Variants in TMEM230 observed in about 807,000 individuals in gnomAD.
TMEM230 encodes UPF0414 transmembrane protein C20orf30.
TMEM230 carries 10 observed loss-of-function variants against 15.8 expected under a neutral mutation model. The observed-to-expected ratio is 0.63, with a 90% CI of 0.39 to 1.07. The LOEUF (loss-of-function observed/expected upper bound fraction) is 1.07, where lower values mean the gene tolerates loss of function less well. Among genes scored for constraint, TMEM230 ranks in the 50% least tolerant of loss-of-function variants. The pLI is 0.01. For missense variants in TMEM230, 165 were observed against 193.3 expected (o/e 0.85, Z 0.87); for synonymous variants, 67 against 76.9 (o/e 0.87, Z 0.68).
At chr20:5,082,428 TAA>T (rs1227108388) in intron 3 of TMEM230, among the ~76,000 whole-genome samples, 2 of 151,742 alleles carry the variant, frequency 1.3e-5, no homozygotes, top group Non-Finnish European at 2.9e-5. Context: ...TTTAGTTTTT[TAA>T]AAAATAACTA....
chr20:5,079,824 G>C (rs1042867642), intron 3 of TMEM230, among the ~76,000 whole-genome samples: 1 of 151,990 alleles, frequency 6.6e-6, no homozygotes, highest in South Asian at 2.1e-4. Context: ...GTGCGATCCT[G>C]GCTCACTGCA....
the TMEM230 span, among the ~76,000 whole-genome samples, chr20:5,062,105 C>T: frequency 1.3e-5 from 2 of 151,996 alleles, no homozygotes; most frequent in East Asian, 3.9e-4. Context: ...GCCTGTAATC[C>T]CAGCTACTCA....
intron 4 of TMEM230, among the ~76,000 whole-genome samples, chr20:5,101,802 C>T (rs1478532079): frequency 6.6e-6 from 1 of 152,156 alleles, no homozygotes; most frequent in East Asian, 1.9e-4. Context: ...TATGTGGGGA[C>T]AGCCCATGAG....
chr20:5,107,731 T>C (rs953908187), intron 3 of TMEM230, among the ~76,000 whole-genome samples: 7 of 151,908 alleles, frequency 4.6e-5, no homozygotes, highest in Non-Finnish European at 1.0e-4. Flanking sequence ...AAAAGACTAC[T>C]TGAGCCCAGA....
At chr20:5,092,663 T>A (rs1347304826) in intron 3 of TMEM230, among the ~76,000 whole-genome samples, 1 of 144,232 alleles carries the variant, frequency 6.9e-6, no homozygotes. Flanking sequence ...TGCAGTGAGC[T>A]GAGATCGCAC....
downstream of TMEM230, among the ~76,000 whole-genome samples, chr20:5,095,841 C>T (rs375908525): frequency 1.4e-3 from 212 of 152,304 alleles, no homozygotes; most frequent in African/African-American, 4.7e-3. Context: ...GACCAGACTG[C>T]ATTTGCATAG....
chr20:5,092,456 G>T (rs1398604587), intron 3 of TMEM230, among the ~76,000 whole-genome samples: 2 of 152,090 alleles, frequency 1.3e-5, no homozygotes, highest in East Asian at 1.9e-4. Flanking sequence ...GGTGGCTCAC[G>T]CCTGTAATCC....
downstream of TMEM230, among the ~76,000 whole-genome samples, chr20:5,063,839 T>C (rs974500011): frequency 2.6e-5 from 4 of 151,718 alleles, no homozygotes; most frequent in Admixed American, 1.3e-4. Flanking sequence ...GATTCTTGGT[T>C]CCAAGGGGAA....
chr20:5,081,698 C>T (rs1286068871), intron 3 of TMEM230, among the ~76,000 whole-genome samples: 3 of 152,096 alleles, frequency 2.0e-5, no homozygotes, highest in Non-Finnish European at 2.9e-5. Context: ...ACATCTTAGC[C>T]AGTGTGGACA....
chr20:5,112,933 T>C (rs760764185), intron 1 of TMEM230, 28 bp downstream of exon 1: 1 of 1,549,320 alleles, frequency 6.5e-7, no homozygotes, highest in Non-Finnish European at 8.7e-7. Context: ...GACGGTTCTG[T>C]CCCCGCCCTG....
At chr20:5,104,328 G>T (rs1369344609) in intron 4 of TMEM230, among the ~76,000 whole-genome samples, 3 of 152,168 alleles carry the variant, frequency 2.0e-5, no homozygotes, top group Non-Finnish European at 4.4e-5. Context: ...CAAAAGTGCT[G>T]GGACTACAGG....
Position 5,109,542 on chromosome 20 carries a change from T to A in TMEM230, c.175-97A>T. 4 of 941,268 alleles carry A rather than the reference T, an allele frequency of 4.2e-6. No homozygotes were observed. The Admixed American group carries it at 9.4e-5, about 22-fold the overall frequency. The allele number at this position is 941,268 out of a possible 1,614,324, so 58.3% of individuals were successfully genotyped here. On this transcript the variant is annotated intron_variant, in intron 2 of 4. Coordinates refer to ENST00000342308, the MANE Select transcript of TMEM230 (RefSeq NM_001009923.2). ...GATTATTAGATGCTGTGCACTGGAG[T>A]TCTGGGCTGCCATGTCAGACTAGCA...
downstream of TMEM230, among the ~76,000 whole-genome samples, chr20:5,065,778 C>T: frequency 6.6e-6 from 1 of 152,164 alleles, no homozygotes; most frequent in East Asian, 1.9e-4. Context: ...CAGACTGGAC[C>T]AAAGGTCTGT....
chr20:5,092,383 G>A (rs1288241276), intron 3 of TMEM230, among the ~76,000 whole-genome samples: 1 of 152,164 alleles, frequency 6.6e-6, no homozygotes, highest in Non-Finnish European at 1.5e-5. Context: ...CTGACATTCC[G>A]GGTTCTACAT....
downstream of TMEM230, chr20:5,066,284 G>A (rs4815763): frequency 0.6 from 90,800 of 151,976 alleles, 27,511 homozygotes; most frequent in East Asian, 0.81. Flanking sequence ...CTCTAATGTT[G>A]GACATGAAGG....
downstream of TMEM230, among the ~76,000 whole-genome samples, chr20:5,097,026 A>C (rs1191171638): frequency 6.6e-6 from 1 of 152,250 alleles, no homozygotes; most frequent in Non-Finnish European, 1.5e-5. Flanking sequence ...TCTGCAATGA[A>C]GGACTACCTG....
At chr20:5,069,727 T>C (rs761839246) in intron 3 of TMEM230, among the ~76,000 whole-genome samples, 1 of 152,030 alleles carries the variant, frequency 6.6e-6, no homozygotes, top group African/African-American at 2.4e-5. Context: ...CTTTTTCCTT[T>C]GTGAGACAGT....
chr20:5,087,568 C>T (rs2089379680), intron 3 of TMEM230, among the ~76,000 whole-genome samples: 1 of 151,434 alleles, frequency 6.6e-6, no homozygotes, highest in South Asian at 2.1e-4. Context: ...AATCTACAAC[C>T]TCTACCTCCT....
At chr20:5,080,941 C>T (rs2089159077) in intron 3 of TMEM230, among the ~76,000 whole-genome samples, 1 of 152,232 alleles carries the variant, frequency 6.6e-6, no homozygotes, top group Non-Finnish European at 1.5e-5. Context: ...CTGTCTGTTA[C>T]TGTCCATGAT....
Sources: allele counts gnomAD v4.1 joint callset (sites outside exome capture counted in the v4.1 genomes callset), GRCh38; gene constraint gnomAD v4.1.1; transcripts MANE v1.5; gene names NCBI Gene and HGNC (gene_info 2026-07-23, HGNC 2026-07-21).